RGMA: variants seen among roughly 807,000 people sequenced by gnomAD.
RGMA encodes repulsive guidance molecule BMP co-receptor a.
RGMA carries 10 observed loss-of-function variants against 23.2 expected under a neutral mutation model. The observed-to-expected ratio is 0.43, with a 90% confidence interval of 0.27 to 0.73. RGMA has a LOEUF of 0.73. Among genes scored for constraint, RGMA ranks in the 30% least tolerant of loss-of-function variants. RGMA has a pLI of 0.20. For missense variants in RGMA, 547 were observed against 630.5 expected (o/e 0.87, Z 1.42); for synonymous variants, 308 against 279.3 (o/e 1.10, Z -1.03).
intron 3 of RGMA, among the ~76,000 whole-genome samples, chr15:93,049,227 C>T (rs775368843): frequency 5.3e-5 from 8 of 152,196 alleles, no homozygotes; most frequent in Non-Finnish European, 1.0e-4. Context: ...CTACTATCTA[C>T]GGAGCACCAC....
chr15:93,041,452 G>C lies in RGMA; in HGVS notation c.*3546C>G, dbSNP rs949076149. ...GGATGCTGTGTTCCATATTCACGAC[G>C]GCATTTCCATGCTCGTGAGGGCAAC... On this transcript the variant is annotated 3_prime_UTR_variant, in exon 4 of 4. Coordinates refer to ENST00000329082, the MANE Select transcript of RGMA (RefSeq NM_020211.3). The C allele has an allele frequency of 2.0e-5, 3 of 152,180 alleles. No homozygotes were observed. The highest frequency in any genetic ancestry group is 7.2e-5 in the African/African-American group (3 of 41,412). The allele number at this position is 152,180 out of a possible 1,614,324, so 9.4% of individuals were successfully genotyped here. A position where few individuals can be genotyped will look rare whatever the true frequency, so the allele number is the denominator to read the frequency against.
intron 3 of RGMA, among the ~76,000 whole-genome samples, chr15:93,046,217 TAAG>T (rs1240033059): frequency 1.3e-5 from 2 of 152,120 alleles, no homozygotes; most frequent in African/African-American, 4.8e-5. Context: ...AGTATCTTTA[TAAG>T]AAGGAGGCAG....
rs1438403355 is a variant in RGMA at position 93,045,633 on chromosome 15, G to T, written c.718C>A (p.Pro240Thr). 3.1e-6 allele frequency: 5 copies of T among 1,612,008 alleles called. No homozygotes were observed. The highest frequency in any genetic ancestry group is 4.2e-6 in the Non-Finnish European group (5 of 1,179,870). The change falls in exon 4 of 4, where the codon CCG becomes ACG. Residue 240 changes from proline to threonine, a missense_variant. Transcript: ENST00000329082. This position sits in a 1 kb window ranked among gnomAD's most constrained non-coding sequence, Gnocchi z 6.9. ...TTAGAGCCATCCACGAAGGCGGCCG[G>T]GAGCTCGTCCATCTCAGCCTGGTAC... The part of the protein sequence containing the change: ...KVYQAEMDEL[P>T]AAFVDGSKNG...
intron 2 of RGMA, among the ~76,000 whole-genome samples, chr15:93,067,827 G>T (rs1413119228): frequency 6.6e-6 from 1 of 152,204 alleles, no homozygotes; most frequent in African/African-American, 2.4e-5. Context: ...TCCTGGGCAG[G>T]AGTTTCAGAG....
chr15:93,052,357 C>T lies in RGMA; in HGVS notation c.281G>A (p.Arg94Gln), dbSNP rs771467791. The T allele has an allele frequency of 3.1e-6, 5 of 1,600,938 alleles. No homozygotes were observed. Among genetic ancestry groups the T allele is most frequent in the Non-Finnish European group, 4.2e-6 (5 of 1,179,408 alleles). Residue 94 changes from arginine to glutamine, a missense_variant, in exon 3 of 4, where the codon CGG (arginine) becomes CAG (glutamine). Arg to Gln is a conservative substitution (Grantham distance 43). Transcript: ENST00000329082. ...GGCCGAGTGGTAGGCCAGGTCACCC[C>T]GGCAGGTGCGGGCCGTCCGCCGCGT... is the stretch of plus-strand genomic sequence containing the variant. ...LCTRRTARTC[R>Q]GDLAYHSAVH...
chr15:93,067,263 AACTT>A (rs1301859066), intron 2 of RGMA, among the ~76,000 whole-genome samples: 1 of 151,666 alleles, frequency 6.6e-6, no homozygotes, highest in East Asian at 1.9e-4. Context: ...TTTGGAAAAA[AACTT>A]GAGTATCTGG....
intron 1 of RGMA, among the ~76,000 whole-genome samples, chr15:93,076,372 A>G (rs1895473312): frequency 6.6e-6 from 1 of 152,148 alleles, no homozygotes; most frequent in Non-Finnish European, 1.5e-5. Flanking sequence ...GGGCAGTGAT[A>G]GTCAGGGGTT....
At chr15:93,073,166 C>T in intron 1 of RGMA, 135 bp from the exon 2 acceptor site, 1 of 1,229,852 alleles carries the variant, frequency 8.1e-7, no homozygotes, top group Non-Finnish European at 1.0e-6. Flanking sequence ...CGCTCCCCTT[C>T]CCGCGCCGCC....
chr15:93,043,080 A>C lies in RGMA; in HGVS notation c.*1918T>G, dbSNP rs1302917565. 1 of 152,284 alleles carries C rather than the reference A, an allele frequency of 6.6e-6. No homozygotes were observed. The highest frequency in any genetic ancestry group is 2.4e-5 in the African/African-American group (1 of 41,458). The allele number at this position is 152,284 out of a possible 1,614,324, so 9.4% of individuals were successfully genotyped here. A position where few individuals can be genotyped will look rare whatever the true frequency, so the allele number is the denominator to read the frequency against. ...CAAAGACAGCTCATCGTGAGGAGGAAAAGTGACTTTACAAAAGCAATGTGT... is the reference window on the plus strand; with the variant it reads ...CAAAGACAGCTCATCGTGAGGAGGACAAGTGACTTTACAAAAGCAATGTGT... On this transcript the variant is annotated 3_prime_UTR_variant, in exon 4 of 4. Coordinates refer to ENST00000329082, the MANE Select transcript of RGMA (RefSeq NM_020211.3).
chr15:93,078,221 C>T (rs145541227), intron 1 of RGMA, among the ~76,000 whole-genome samples: 1 of 152,314 alleles, frequency 6.6e-6, no homozygotes, highest in East Asian at 1.9e-4. Context: ...ATCTAGATTT[C>T]TCTAACAGAT....
intron 1 of RGMA, among the ~76,000 whole-genome samples, chr15:93,077,492 G>C (rs771887134): frequency 6.6e-6 from 1 of 152,146 alleles, no homozygotes; most frequent in Non-Finnish European, 1.5e-5. Flanking sequence ...CTGCCCCTTG[G>C]GATTAAAGTC....
intron 2 of RGMA, among the ~76,000 whole-genome samples, chr15:93,054,101 G>A (rs754524992): frequency 1.8e-4 from 28 of 151,784 alleles, no homozygotes; most frequent in African/African-American, 5.1e-4. Context: ...ATGGTGGTGC[G>A]CACCTGTAAT....
chr15:93,088,825 A>T, intron 1 of RGMA, 94 bp downstream of exon 1: 2 of 1,192,574 alleles, frequency 1.7e-6, no homozygotes, highest in Non-Finnish European at 2.3e-6. Context: ...CGCGGGGCTA[A>T]GGAAGACCAA....
intron 1 of RGMA, among the ~76,000 whole-genome samples, chr15:93,087,748 T>G (rs985455293): frequency 3.3e-5 from 5 of 152,174 alleles, no homozygotes; most frequent in Non-Finnish European, 7.3e-5. Flanking sequence ...ACGTTTTTGC[T>G]GGAAGAGTCT....
intron 1 of RGMA, among the ~76,000 whole-genome samples, chr15:93,084,132 C>G (rs918232772): frequency 3.3e-5 from 5 of 152,176 alleles, no homozygotes; most frequent in African/African-American, 1.2e-4. Context: ...TTTGTGTGCT[C>G]TGACAACCAG....
In RGMA at chr15:93,080,745, C is replaced by A. The variant is rs139120320; in HGVS notation, c.15-7714G>T. On this transcript the variant is annotated intron_variant, in intron 1 of 3. Transcript: ENST00000329082. ...CCTTCCGTGGTATTTGGATGTATGA[C>A]CCTCTTTCCTTCTTTCACACCTGTC... is the stretch of plus-strand genomic sequence containing the variant. Among the ~76,000 whole-genome samples, 436 of 152,214 alleles carry A rather than the reference C, an allele frequency of 2.9e-3. 1 individual carries two copies. Among genetic ancestry groups the A allele is most frequent in the African/African-American group, 9.8e-3 (408 of 41,518 alleles).
At chr15:93,084,832 T>C (rs1418238577) in intron 1 of RGMA, among the ~76,000 whole-genome samples, 1 of 151,964 alleles carries the variant, frequency 6.6e-6, no homozygotes, top group Non-Finnish European at 1.5e-5. Context: ...TGCAGATCAG[T>C]TGAGAAAAGT....
intron 2 of RGMA, among the ~76,000 whole-genome samples, chr15:93,055,726 T>C (rs945544985): frequency 2.0e-5 from 3 of 152,148 alleles, no homozygotes; most frequent in African/African-American, 7.2e-5. Flanking sequence ...CTGCCTTGCC[T>C]CCAGCAGACA....
intron 1 of RGMA, among the ~76,000 whole-genome samples, chr15:93,080,867 G>C (rs1444094032): frequency 1.3e-5 from 2 of 151,880 alleles, no homozygotes; most frequent in South Asian, 2.1e-4. Context: ...TATAAACTGG[G>C]GTATAACTAC....
Sources: allele counts gnomAD v4.1 joint callset (sites outside exome capture counted in the v4.1 genomes callset), GRCh38; gene constraint gnomAD v4.1.1; non-coding constraint Gnocchi (gnomAD v3.1); transcripts MANE v1.5; gene names NCBI Gene and HGNC (gene_info 2026-07-23, HGNC 2026-07-21).